NBPF12: variants seen among roughly 807,000 people sequenced by gnomAD.
NBPF12 encodes the protein NBPF family member NBPF12.
In NBPF12, 115 loss-of-function variants were observed where a neutral mutation model predicts 146.4. The observed-to-expected ratio is 0.79, with a 90% confidence interval of 0.68 to 0.92. The LOEUF is 0.92. Ranked by LOEUF, NBPF12 falls within the 40% of genes least tolerant of loss-of-function variation. The probability of loss-of-function intolerance (pLI) is 0.00; values close to 1 mark genes in which losing one functional copy is unlikely to be tolerated. For missense variants in NBPF12, 1,205 were observed against 1,326.8 expected, an observed-to-expected ratio of 0.91 and a Z score of 1.43; for synonymous variants, 385 against 508.9, an observed-to-expected ratio of 0.76 and a Z score of 3.28.
At chr1:146,945,869 C>T (rs1258409023), upstream of NBPF12, among the ~76,000 whole-genome samples, 6,533 of 151,982 alleles carry the variant, frequency 0.043, 531 homozygotes, top group African/African-American at 0.15. Context: ...TTGGCAATTA[C>T]GTAATGTCCT....
chr1:146,984,781 G>C (rs1220595661), intron 21 of NBPF12, 32 bp from the exon 25 acceptor site: 17 of 1,101,790 alleles, frequency 1.5e-5, no homozygotes, highest in Non-Finnish European at 2.2e-5. Context: ...GATTCCCCCT[G>C]GCTTATTCTT....
chr1:146,976,692 A>T (rs1169638933), intron 16 of NBPF12, among the ~76,000 whole-genome samples: 1 of 151,796 alleles, frequency 6.6e-6, no homozygotes, highest in African/African-American at 2.4e-5. Flanking sequence ...TGATATGGGA[A>T]GCAAAAGATC....
chr1:146,975,226 C>A (rs1405238135), intron 15 of NBPF12, among the ~76,000 whole-genome samples: 2 of 137,148 alleles, frequency 1.5e-5, no homozygotes, highest in African/African-American at 2.9e-5. Flanking sequence ...TTCACTCAAT[C>A]AATGTTGCCT....
intron 19 of NBPF12, among the ~76,000 whole-genome samples, chr1:146,980,143 A>AT (rs1425518069): frequency 1.7e-4 from 26 of 151,810 alleles, no homozygotes; most frequent in African/African-American, 5.8e-4. Flanking sequence ...CAACCCCTGC[A>AT]TTTTTTTGCT....
At chr1:146,982,707 G>A (rs1337188535) in intron 19 of NBPF12, among the ~76,000 whole-genome samples, 2 of 150,520 alleles carry the variant, frequency 1.3e-5, no homozygotes, top group Non-Finnish European at 3.0e-5. Flanking sequence ...GCTCATCTGT[G>A]GCAAATGTAC....
At chr1:146,978,213 C>T (rs1657169482) in intron 18 of NBPF12, among the ~76,000 whole-genome samples, 1 of 149,694 alleles carries the variant, frequency 6.7e-6, no homozygotes, top group Non-Finnish European at 1.5e-5. Context: ...TGGTTCTCCA[C>T]CCTGTCAATG....
intron 19 of NBPF12, among the ~76,000 whole-genome samples, chr1:146,980,328 T>C (rs1355325696): frequency 1.6e-4 from 24 of 152,096 alleles, no homozygotes; most frequent in Non-Finnish European, 8.8e-5. Flanking sequence ...AAGGTTAATA[T>C]TGTTATGTGT....
At chr1:146,949,635 A>T in intron 1 of NBPF12, among the ~76,000 whole-genome samples, 1 of 118,548 alleles carries the variant, frequency 8.4e-6, no homozygotes. Flanking sequence ...GGGTTCTCTG[A>T]TCAGAGTCAT....
chr1:146,995,023 G>T (rs200685664), exon 34 of NBPF12: 4 of 222,328 alleles, frequency 1.8e-5, no homozygotes, highest in Non-Finnish European at 3.5e-5. Flanking sequence ...TGATCCATCT[G>T]TAACACAGGA....
At chr1:146,964,556 A>C (rs1656068269) in intron 7 of NBPF12, 127 bp downstream of exon 10, 3 of 1,500,778 alleles carry the variant, frequency 2.0e-6, no homozygotes, top group Non-Finnish European at 2.8e-6. Flanking sequence ...TGTGAAATTC[A>C]ACCCAGCTTA....
chr1:146,986,292 TG>T (rs1657760164), intron 23 of NBPF12, 59 bp from the exon 27 acceptor site: 2 of 553,222 alleles, frequency 3.6e-6, no homozygotes, highest in South Asian at 2.0e-5. Flanking sequence ...GAAATCTAGC[TG>T]GGGCTGTGTG....
chr1:146,953,986 C>G (rs1206803309), intron 2 of NBPF12, among the ~76,000 whole-genome samples: 1 of 148,478 alleles, frequency 6.7e-6, no homozygotes, highest in Non-Finnish European at 1.5e-5. Context: ...AATGTAAGCT[C>G]TCAATGTAAG....
chr1:146,951,477 C>T, exon 2 of NBPF12: 2 of 654,206 alleles, frequency 3.1e-6, no homozygotes, highest in Admixed American at 4.5e-5. Flanking sequence ...CAAATGTGAG[C>T]CTATGGATCA....
At chr1:146,972,863 C>T in exon 14 of NBPF12, 3 of 1,227,452 alleles carry the variant, frequency 2.4e-6, no homozygotes, top group African/African-American at 3.0e-5. Context: ...AGTTGCGCCC[C>T]CAGCTGGCAG....
intron 31 of NBPF12, among the ~76,000 whole-genome samples, chr1:146,992,478 G>T (rs1350917467): frequency 0.023 from 2,482 of 106,712 alleles, 2 homozygotes; most frequent in Admixed American, 0.043. Context: ...GTGTGTGTGT[G>T]TGTGTGTGTG....
chr1:146,978,093 C>G (rs1266472092), intron 18 of NBPF12, among the ~76,000 whole-genome samples: 1 of 151,584 alleles, frequency 6.6e-6, no homozygotes, highest in Non-Finnish European at 1.5e-5. Context: ...CAGCTTTCAT[C>G]TGGATCTCCT....
upstream of NBPF12, among the ~76,000 whole-genome samples, chr1:146,947,822 G>T (rs1281897269): frequency 4.0e-5 from 6 of 151,690 alleles, no homozygotes; most frequent in Admixed American, 6.6e-5. Context: ...GTTTTTGGGG[G>T]AACATAATAG....
intron 19 of NBPF12, among the ~76,000 whole-genome samples, chr1:146,982,472 C>G (rs1657456382): frequency 6.6e-6 from 1 of 150,756 alleles, no homozygotes; most frequent in East Asian, 2.0e-4. Context: ...AGTATTTTTG[C>G]AAGAAAAGAA....
intron 2 of NBPF12, among the ~76,000 whole-genome samples, chr1:146,959,527 T>C (rs1409455364): frequency 2.5e-4 from 16 of 64,556 alleles, no homozygotes; most frequent in Non-Finnish European, 3.2e-4. Flanking sequence ...GAGAACATAC[T>C]AAATGATTCC....
Sources: gnomAD v4.1 joint callset for allele counts (sites outside exome capture counted in the v4.1 genomes callset) on GRCh38, gnomAD v4.1.1 for gene constraint, MANE v1.5 for transcripts, NCBI Gene and HGNC (gene_info 2026-07-23, HGNC 2026-07-21) for gene names.